SCD5: variants seen among roughly 807,000 people sequenced by gnomAD.
SCD5 encodes stearoyl-CoA desaturase 5.
Under a neutral mutation model 30.4 loss-of-function variants are expected in SCD5, and 20 were observed. The observed-to-expected ratio is 0.66, with a 90% CI of 0.46 to 0.96. SCD5 has a LOEUF of 0.96. SCD5 is among the 40% of genes least tolerant of loss of function. The pLI is 0.00. For synonymous variants in SCD5, 173 were observed against 176.4 expected, an observed-to-expected ratio of 0.98 and a Z score of 0.16; for missense variants, 381 against 443.3, an observed-to-expected ratio of 0.86 and a Z score of 1.26.
chr4:82,688,832 C>A (rs1728767784), intron 2 of SCD5, among the ~76,000 whole-genome samples: 1 of 152,142 alleles, frequency 6.6e-6, no homozygotes, highest in South Asian at 2.1e-4. Flanking sequence ...TTGTTTAAAT[C>A]TCTTAACAAC....
chr4:82,739,444 T>C (rs1456714241), intron 1 of SCD5, among the ~76,000 whole-genome samples: 1 of 152,250 alleles, frequency 6.6e-6, no homozygotes, highest in Non-Finnish European at 1.5e-5. Context: ...AATGCCCACG[T>C]ACTGGTGCCA....
chr4:82,734,522 T>C (rs563122241), intron 1 of SCD5, among the ~76,000 whole-genome samples: 1 of 152,340 alleles, frequency 6.6e-6, no homozygotes, highest in Non-Finnish European at 1.5e-5. Flanking sequence ...AGAAACCACA[T>C]AAAGGAGATG....
intron 1 of SCD5, among the ~76,000 whole-genome samples, chr4:82,797,194 C>T (rs1722243665): frequency 6.6e-6 from 1 of 152,164 alleles, no homozygotes; most frequent in Non-Finnish European, 1.5e-5. Flanking sequence ...AGAAAGAGGT[C>T]TTATTTTCTT....
chr4:82,658,244 C>T (rs1027918676), intron 3 of SCD5, among the ~76,000 whole-genome samples: 4 of 152,050 alleles, frequency 2.6e-5, no homozygotes, highest in African/African-American at 9.7e-5. Flanking sequence ...TCATAAATAG[C>T]TGTTATTATT....
At chr4:82,653,345 A>G (rs887885241) in intron 3 of SCD5, among the ~76,000 whole-genome samples, 2 of 152,178 alleles carry the variant, frequency 1.3e-5, no homozygotes, top group Non-Finnish European at 2.9e-5. Context: ...GAAATGCATT[A>G]TCATATTAAA....
chr4:82,670,686 A>G (rs1447754622), intron 3 of SCD5, among the ~76,000 whole-genome samples: 3 of 152,066 alleles, frequency 2.0e-5, no homozygotes, highest in East Asian at 1.9e-4. Flanking sequence ...TCAATTCCAT[A>G]TCAATTGATA....
At chr4:82,769,911 A>G (rs1721580651) in intron 1 of SCD5, among the ~76,000 whole-genome samples, 1 of 152,036 alleles carries the variant, frequency 6.6e-6, no homozygotes. Flanking sequence ...GTTTAAAACT[A>G]TATCAAAATA....
At chr4:82,772,952 G>T (rs1214883473) in intron 1 of SCD5, among the ~76,000 whole-genome samples, 1 of 152,130 alleles carries the variant, frequency 6.6e-6, no homozygotes, top group African/African-American at 2.4e-5. Flanking sequence ...AAATAAAGTG[G>T]CTAGTTCAAT....
intron 3 of SCD5, among the ~76,000 whole-genome samples, chr4:82,667,721 C>T (rs1241557440): frequency 6.6e-6 from 1 of 152,192 alleles, no homozygotes; most frequent in Non-Finnish European, 1.5e-5. Context: ...TTGCCAACTA[C>T]AGCTGGATGC....
intron 1 of SCD5, among the ~76,000 whole-genome samples, chr4:82,757,303 G>A (rs1253106852): frequency 6.6e-6 from 1 of 152,158 alleles, no homozygotes; most frequent in Non-Finnish European, 1.5e-5. Flanking sequence ...TCCTTCAGAT[G>A]GCTTCCCAGG....
intron 2 of SCD5, among the ~76,000 whole-genome samples, chr4:82,686,065 G>T (rs1207449813): frequency 1.3e-5 from 2 of 151,990 alleles, no homozygotes; most frequent in Admixed American, 6.6e-5. Flanking sequence ...GAGTGCAGTG[G>T]TGTGATTATG....
At chr4:82,749,747 T>C (rs1721062518) in intron 1 of SCD5, among the ~76,000 whole-genome samples, 2 of 152,334 alleles carry the variant, frequency 1.3e-5, no homozygotes, top group South Asian at 4.1e-4. Flanking sequence ...CACAGATTCA[T>C]GTTGAAGGAC....
chr4:82,733,459 T>C (rs377594127), intron 1 of SCD5, among the ~76,000 whole-genome samples: 20 of 152,298 alleles, frequency 1.3e-4, no homozygotes, highest in Admixed American at 3.9e-4. Flanking sequence ...ATGAGGATAA[T>C]AGCTGTGCCC....
intron 1 of SCD5, among the ~76,000 whole-genome samples, chr4:82,712,380 T>A (rs941962734): frequency 6.9e-6 from 1 of 144,626 alleles, no homozygotes; most frequent in East Asian, 2.0e-4. Context: ...TGCAATGGCG[T>A]GATCTCGGCT....
intron 3 of SCD5, among the ~76,000 whole-genome samples, chr4:82,663,142 A>G (rs546651824): frequency 6.6e-6 from 1 of 152,292 alleles, no homozygotes; most frequent in Admixed American, 6.5e-5. Context: ...TTAAGGTCAC[A>G]AGGCAACTAA....
chr4:82,673,238 T>C (rs1207098490), intron 3 of SCD5, among the ~76,000 whole-genome samples: 2 of 141,318 alleles, frequency 1.4e-5, no homozygotes, highest in African/African-American at 2.8e-5. Flanking sequence ...TGTTTGTAGA[T>C]GATGTGTTGT....
Position 82,642,275 on chromosome 4 carries a change from G to A in SCD5, c.570-5452C>T, listed in dbSNP as rs188180979. On this transcript the variant is annotated intron_variant, in intron 3 of 4. Transcript: ENST00000319540. ...CTCAATTCTTAAACCCTGAATGTCT[G>A]ATGCCTCTAGTATAACCTGCTGCTC... 3.9e-5 allele frequency among the ~76,000 whole-genome samples: 6 copies of A among 152,242 alleles called. No individual in the cohort carries two copies. In the East Asian group the frequency reaches 1.2e-3, roughly 29 times the overall value.
intron 3 of SCD5, among the ~76,000 whole-genome samples, chr4:82,648,423 G>A (rs1194394769): frequency 2.6e-5 from 4 of 152,224 alleles, no homozygotes; most frequent in Non-Finnish European, 5.9e-5. Flanking sequence ...GGTGCTCAGA[G>A]CAAATGGCCA....
intron 3 of SCD5, among the ~76,000 whole-genome samples, chr4:82,642,864 T>C (rs948986295): frequency 6.6e-6 from 1 of 152,344 alleles, no homozygotes; most frequent in South Asian, 2.1e-4. Flanking sequence ...TTCCCTTTAT[T>C]CTTCCTCGTC....
Sources: allele counts gnomAD v4.1 joint callset (sites outside exome capture counted in the v4.1 genomes callset), GRCh38; gene constraint gnomAD v4.1.1; transcripts MANE v1.5; gene names NCBI Gene and HGNC (gene_info 2026-07-23, HGNC 2026-07-21).